Variants in CELSR1 observed in about 807,000 individuals in gnomAD.
The protein encoded by CELSR1 is adhesion G protein-coupled receptor C1.
CELSR1 carries 110 observed loss-of-function variants against 249.1 expected under a neutral mutation model. The ratio of observed to expected loss-of-function variants is 0.44; its 90% CI spans 0.38 to 0.52. The LOEUF is 0.52. Ranked by LOEUF, CELSR1 falls within the 20% of genes least tolerant of loss-of-function variation. The pLI, the probability that CELSR1 is intolerant of heterozygous loss-of-function variation, is 0.00. For missense variants in CELSR1, 4,109 were observed against 4,296.4 expected (o/e 0.96, Z 1.22); for synonymous variants, 2,113 against 1,900.0 (o/e 1.11, Z -2.92).
chr22:46,436,382 A>T lies in CELSR1; in HGVS notation c.4407-93T>A. On this transcript the variant is annotated intron_variant, in intron 3 of 34. Transcript: ENST00000674500. The surrounding 1 kb of genome is among the most constrained non-coding windows in gnomAD (Gnocchi z 5.9). ...CAAGTCCAGCCGGAGGAGGGCAAGC[A>T]CGTGGGGCTACGATTCAGGAAAGAA... The T allele has an allele frequency of 2.6e-6, 2 of 782,734 alleles. No individual in the cohort carries two copies. The highest frequency in any genetic ancestry group is 4.4e-5 in the Admixed American group (2 of 45,748). 48.5% of individuals were successfully genotyped at this position (782,734 alleles called of 1,614,324 possible).
rs1472539237 is a variant in CELSR1 at position 46,380,869 on chromosome 22, C to T, written c.7175G>A (p.Arg2392Lys). 6.2e-7 allele frequency: 1 copy of T among 1,613,114 alleles called. No individual in the cohort carries two copies. Among genetic ancestry groups the T allele is most frequent in the Non-Finnish European group, 8.5e-7 (1 of 1,179,916 alleles). The change falls in exon 22 of 35, where the codon AGG (arginine) becomes AAG (lysine). Residue 2392 changes from arginine to lysine, a missense_variant. By Grantham distance (26) the Arg-to-Lys change is conservative (BLOSUM62 2). Around this residue, in one of 7 missense-constraint regions of CELSR1, gnomAD observed 1,805 missense variants for 1,831.6 expected, o/e 0.99. Coordinates refer to ENST00000674500, the MANE Select transcript of CELSR1 (RefSeq NM_001378328.1). This position sits in a 1 kb window ranked among gnomAD's most constrained non-coding sequence, Gnocchi z 5.1. Reference protein sequence around the residue: ...EGAPLPRPLERPVLVEFALLE... With the variant: ...EGAPLPRPLEKPVLVEFALLE... ...CAGGGCGAACTCCACCAGGACGGGC[C>T]TCTCCAGGGGTCTCGGGAGCGGAGC...
Position 46,537,122 on chromosome 22 carries a change from C to T in CELSR1, c.49G>A (p.Ala17Thr). Residue 17 changes from alanine (A) to threonine (T), a missense_variant, in exon 1 of 35, where the codon GCC (alanine) becomes ACC (threonine). Physicochemically the swap from Ala to Thr is moderately conservative, Grantham distance 58 (BLOSUM62 0). Transcript: ENST00000674500. This position sits in a 1 kb window ranked among gnomAD's most constrained non-coding sequence, Gnocchi z 5.8. ...PVLPVLLLLA[A>T]AAALPAMGLR... Reference sequence around the variant, plus strand: ...CCCATCGCCGGCAGGGCGGCGGCGGCGGCCAGGAGCAGCAGCACGGGCAGC... The same window carrying T: ...CCCATCGCCGGCAGGGCGGCGGCGGTGGCCAGGAGCAGCAGCACGGGCAGC... The T allele has an allele frequency of 9.7e-7, 1 of 1,036,060 alleles. No homozygotes were observed. Among genetic ancestry groups the T allele is most frequent in the Non-Finnish European group, 1.2e-6 (1 of 865,690 alleles). 64.2% of individuals were successfully genotyped at this position (1,036,060 alleles called of 1,614,324 possible).
rs927611221 is a variant in CELSR1, at chr22:46,517,430, T to C, written c.3544+16197A>G. ...TGGTTTTCCCCCAAAACAGACTCCA[T>C]CTGGCACTTGTCATCTTCCACGGGG... is the stretch of plus-strand genomic sequence containing the variant. On this transcript the variant is annotated intron_variant, in intron 1 of 34. Coordinates refer to ENST00000674500, the MANE Select transcript of CELSR1 (RefSeq NM_001378328.1). The surrounding 1 kb of genome is among the most constrained non-coding windows in gnomAD (Gnocchi z 5.4). Among the ~76,000 whole-genome samples the C allele has an allele frequency of 2.0e-5, 3 of 152,202 alleles. No homozygotes were observed. Among genetic ancestry groups the C allele is most frequent in the African/African-American group, 7.2e-5 (3 of 41,442 alleles).
rs577628271 is a variant in CELSR1 at position 46,406,756 on chromosome 22, A to T, written c.5226+2240T>A. ...CCCTAGTGAAGAGCCTCTACGCCTC[A>T]GTTTCCCGTGTGTGGAACGAGAGCT... On this transcript the variant is annotated intron_variant, in intron 9 of 34. Transcript: ENST00000674500. This position sits in a 1 kb window ranked among gnomAD's most constrained non-coding sequence, Gnocchi z 5.4. 6.6e-6 allele frequency among the ~76,000 whole-genome samples: 1 copy of T among 152,330 alleles called. No individual in the cohort carries two copies. Among genetic ancestry groups the T allele is most frequent in the African/African-American group, 2.4e-5 (1 of 41,578 alleles).
At chr22:46,491,260 C>A (rs2080364442) in intron 1 of CELSR1, among the ~76,000 whole-genome samples, 1 of 122,286 alleles carries the variant, frequency 8.2e-6, no homozygotes, top group African/African-American at 3.0e-5. Context: ...GCCAGAAAGT[C>A]ACTTTTTTTT....
chr22:46,535,047 G>A lies in CELSR1; in HGVS notation c.2124C>T (p.Thr708=), dbSNP rs771896770. The A allele has an allele frequency of 5.2e-5, 84 of 1,612,416 alleles. No homozygotes were observed. Among genetic ancestry groups the A allele is most frequent in the Middle Eastern group, 4.9e-4 (3 of 6,084 alleles). Residue 708 remains threonine, a synonymous_variant, in exon 1 of 35, where the codon ACC becomes ACT. Coordinates refer to ENST00000674500, the MANE Select transcript of CELSR1 (RefSeq NM_001378328.1). ...EDAAVGSSVL[T]LQARDRDANS... Reference sequence around the variant, plus strand: ...TGGCGTCACGGTCGCGGGCCTGCAGGGTCAGCACGCTGCTCCCCACGGCCG... The same window carrying A: ...TGGCGTCACGGTCGCGGGCCTGCAGAGTCAGCACGCTGCTCCCCACGGCCG...
rs937471777 is a variant in CELSR1 at position 46,430,628 on chromosome 22, C to G, written c.4611+2765G>C. Among the ~76,000 whole-genome samples the G allele has an allele frequency of 6.6e-6, 1 of 152,212 alleles. No homozygotes were observed. Among genetic ancestry groups the G allele is most frequent in the Non-Finnish European group, 1.5e-5 (1 of 68,048 alleles). On this transcript the variant is annotated intron_variant, in intron 5 of 34. Coordinates refer to ENST00000674500, the MANE Select transcript of CELSR1 (RefSeq NM_001378328.1). This position sits in a 1 kb window ranked among gnomAD's most constrained non-coding sequence, Gnocchi z 4.6. The stretch of plus-strand genomic sequence containing the variant: ...AACCTTCCCTGGTGGCCCAAGGTCA[C>G]CCCCAAGGTGGCTGCTGGAGGACAG...
In CELSR1 at chr22:46,527,061, G is replaced by A. The variant is rs1189662265; in HGVS notation, c.3544+6566C>T. On this transcript the variant is annotated intron_variant, in intron 1 of 34. Transcript: ENST00000674500. This position sits in a 1 kb window ranked among gnomAD's most constrained non-coding sequence, Gnocchi z 5.5. ...CGGTCCAGGTTCAAATCCCACTGCT[G>A]CCATCACAAGCTGGTGCCCTGGGAG... Among the ~76,000 whole-genome samples, 2 of 152,202 alleles carry A rather than the reference G, an allele frequency of 1.3e-5. No homozygotes were observed. Among genetic ancestry groups the A allele is most frequent in the Non-Finnish European group, 2.9e-5 (2 of 68,044 alleles).
rs143108553 is a variant in CELSR1, at chr22:46,407,317, G to A, written c.5226+1679C>T. 2.1e-3 allele frequency among the ~76,000 whole-genome samples: 322 copies of A among 152,128 alleles called. 1 individual carries two copies. Among genetic ancestry groups the A allele is most frequent in the African/African-American group, 3.6e-3 (148 of 41,452 alleles). The stretch of plus-strand genomic sequence containing the variant: ...GACTGACATGCACACACACTTGCAC[G>A]GAGATATGCGCACACACACACACAA... On this transcript the variant is annotated intron_variant, in intron 9 of 34. Transcript: ENST00000674500. This position sits in a 1 kb window ranked among gnomAD's most constrained non-coding sequence, Gnocchi z 4.8.
intron 1 of CELSR1, among the ~76,000 whole-genome samples, chr22:46,509,108 G>T (rs940276941): frequency 6.6e-6 from 1 of 152,206 alleles, no homozygotes; most frequent in African/African-American, 2.4e-5. Flanking sequence ...CCCCTCCAGT[G>T]CCCAGGGCCT....
Position 46,475,178 on chromosome 22 carries a change from G to A in CELSR1, c.3545-10833C>T, listed in dbSNP as rs376254612. ...TGTCACAAGATATGGAGGAGAGCACGAAAGAACCACATCCCCAGGCCCTCA... is the reference window on the plus strand; with the variant it reads ...TGTCACAAGATATGGAGGAGAGCACAAAAGAACCACATCCCCAGGCCCTCA... On this transcript the variant is annotated intron_variant, in intron 1 of 34. Coordinates refer to ENST00000674500, the MANE Select transcript of CELSR1 (RefSeq NM_001378328.1). Among the ~76,000 whole-genome samples the A allele has an allele frequency of 2.0e-4, 30 of 152,204 alleles. 1 individual carries two copies. In the East Asian group the frequency reaches 5.4e-3, roughly 27 times the overall value.
intron 1 of CELSR1, among the ~76,000 whole-genome samples, chr22:46,522,449 C>A (rs1452542745): frequency 6.6e-6 from 1 of 152,172 alleles, no homozygotes; most frequent in Non-Finnish European, 1.5e-5. Context: ...TGACTCTGAG[C>A]ATCTTTTTTT....
intron 29 of CELSR1, 125 bp from the exon 30 acceptor site, chr22:46,366,605 A>G (rs1399208542): frequency 2.6e-6 from 2 of 779,076 alleles, no homozygotes; most frequent in East Asian, 2.7e-5. Context: ...TGCCTGGCAC[A>G]CAGGAGGAGC....
In CELSR1 at chr22:46,433,305, G is replaced by T; in HGVS notation, c.4611+88C>A. ...CTGCCTTGGCCTCTCAAAGTGCTGG[G>T]ATTACAGGCGTGAGCCACTGCGCCT... On this transcript the variant is annotated intron_variant, in intron 5 of 34. Coordinates refer to ENST00000674500, the MANE Select transcript of CELSR1 (RefSeq NM_001378328.1). This position sits in a 1 kb window ranked among gnomAD's most constrained non-coding sequence, Gnocchi z 5.7. 1.0e-6 allele frequency: 1 copy of T among 974,078 alleles called. No homozygotes were observed. 60.3% of individuals were successfully genotyped at this position (974,078 alleles called of 1,614,324 possible). A position where few individuals can be genotyped will look rare whatever the true frequency, so the allele number is the denominator to read the frequency against.
intron 2 of CELSR1, among the ~76,000 whole-genome samples, chr22:46,458,745 T>G (rs914272770): frequency 6.6e-6 from 1 of 152,172 alleles, no homozygotes; most frequent in African/African-American, 2.4e-5. Flanking sequence ...CGCCTGGTGC[T>G]GCACCTGGGT....
chr22:46,404,652 C>A (rs2079245685), intron 9 of CELSR1, among the ~76,000 whole-genome samples: 1 of 152,042 alleles, frequency 6.6e-6, no homozygotes, highest in African/African-American at 2.4e-5. Flanking sequence ...GCACACCTGG[C>A]TAATTTTTGT....
chr22:46,493,552 A>C (rs987353973), intron 1 of CELSR1, among the ~76,000 whole-genome samples: 8 of 152,112 alleles, frequency 5.3e-5, no homozygotes, highest in Non-Finnish European at 1.0e-4. Context: ...TCTCAAAAAA[A>C]AAAAAAAAAA....
At chr22:46,394,807 G>C (rs1168878712) in intron 13 of CELSR1, among the ~76,000 whole-genome samples, 1 of 152,218 alleles carries the variant, frequency 6.6e-6, no homozygotes, top group Non-Finnish European at 1.5e-5. Flanking sequence ...TCGGAATCCA[G>C]CAGAAGCCAG....
rs2079815597 is a variant in CELSR1 at position 46,446,034 on chromosome 22, C to T, written c.4184-6623G>A. ...CAGCACAGTCCTCCACAACGCTGGC[C>T]TCACCATGTGTCAGTCCCACTGGCT... On this transcript the variant is annotated intron_variant, in intron 2 of 34. Transcript: ENST00000674500. The surrounding 1 kb of genome is among the most constrained non-coding windows in gnomAD (Gnocchi z 5.5). Among the ~76,000 whole-genome samples, 3 of 152,180 alleles carry T rather than the reference C, an allele frequency of 2.0e-5. No homozygotes were observed. Among genetic ancestry groups the T allele is most frequent in the African/African-American group, 4.8e-5 (2 of 41,442 alleles).
Sources: allele counts gnomAD v4.1 joint callset (sites outside exome capture counted in the v4.1 genomes callset), GRCh38; gene constraint gnomAD v4.1.1; regional missense constraint gnomAD v4.1.1; non-coding constraint Gnocchi (gnomAD v3.1); transcripts MANE v1.5; gene names NCBI Gene and HGNC (gene_info 2026-07-23, HGNC 2026-07-21).